TTC8: variants seen among roughly 807,000 people sequenced by gnomAD.
TTC8 encodes the protein tetratricopeptide repeat protein 8.
In TTC8, 47 loss-of-function variants were observed where a neutral mutation model predicts 72.5. The observed-to-expected ratio is 0.65, with a 90% CI of 0.51 to 0.83. The LOEUF is 0.83. Ranked by LOEUF, TTC8 falls within the 40% of genes least tolerant of loss-of-function variation. TTC8 has a pLI of 0.00. For missense variants in TTC8, 611 were observed against 623.2 expected (o/e 0.98, Z 0.21); for synonymous variants, 199 against 221.4 (o/e 0.90, Z 0.90).
chr14:88,872,391 A>G lies in TTC8; in HGVS notation c.1286A>G (p.Asn429Ser), dbSNP rs2141038511. The change falls in exon 13 of 15, where the codon AAC becomes AGC. Residue 429 changes from asparagine (N) to serine (S), a missense_variant. Asn to Ser is a conservative substitution (Grantham distance 46, BLOSUM62 1). Coordinates refer to ENST00000380656, the MANE Select transcript of TTC8 (RefSeq NM_144596.4). ...CFRLALVNNNNHAEAYNNLAV... is the reference protein window; with the variant it reads ...CFRLALVNNNSHAEAYNNLAV... The stretch of plus-strand genomic sequence containing the variant: ...AGGCTGGCTCTGGTCAACAACAACA[A>G]CCACGCCGAGGCCTACAACAACCTG... 6.2e-7 allele frequency: 1 copy of G among 1,613,944 alleles called. No individual in the cohort carries two copies. The highest frequency in any genetic ancestry group is 8.5e-7 in the Non-Finnish European group (1 of 1,179,916).
At chr14:88,850,398 T>C (rs1447593585) in intron 7 of TTC8, among the ~76,000 whole-genome samples, 1 of 152,170 alleles carries the variant, frequency 6.6e-6, no homozygotes, top group Non-Finnish European at 1.5e-5. Flanking sequence ...CTTAAAATTG[T>C]CCCAGATGGG....
At chr14:88,848,832 A>G (rs2094820428) in intron 7 of TTC8, among the ~76,000 whole-genome samples, 1 of 152,170 alleles carries the variant, frequency 6.6e-6, no homozygotes. Flanking sequence ...TATTTGTTGA[A>G]TGCCTATGTT....
chr14:88,869,980 G>T (rs1269769849), intron 10 of TTC8, 79 bp from the exon 11 acceptor site: 1 of 1,424,180 alleles, frequency 7.0e-7, no homozygotes, highest in Non-Finnish European at 9.8e-7. Flanking sequence ...TTGAATGAAT[G>T]GACTTAAATC....
rs192557390 is a variant in TTC8 at position 88,842,236 on chromosome 14, C to T, written c.579+722C>T. On this transcript the variant is annotated intron_variant, in intron 6 of 14. Coordinates refer to ENST00000380656, the MANE Select transcript of TTC8 (RefSeq NM_144596.4). The stretch of plus-strand genomic sequence containing the variant: ...CCTAGCTCAGGTTTTTAGCTGAAAT[C>T]TCTGAGCATAAGTGCTGAGCTCATT... 2.1e-3 allele frequency among the ~76,000 whole-genome samples: 320 copies of T among 152,332 alleles called. 1 individual carries two copies. Among genetic ancestry groups the T allele is most frequent in the African/African-American group, 7.3e-3 (305 of 41,576 alleles).
intron 14 of TTC8, 90 bp downstream of exon 14, chr14:88,875,199 C>A: frequency 9.3e-7 from 1 of 1,069,638 alleles, no homozygotes; most frequent in Non-Finnish European, 1.4e-6. Flanking sequence ...GAAATTCTAA[C>A]CTCATCTTCC....
intron 2 of TTC8, among the ~76,000 whole-genome samples, chr14:88,834,180 C>T (rs1265808489): frequency 1.3e-5 from 2 of 152,062 alleles, no homozygotes; most frequent in Non-Finnish European, 1.5e-5. Context: ...GAGGCTGCCA[C>T]AGTGAGGGAA....
chr14:88,834,022 A>G, intron 2 of TTC8: 1 of 413,082 alleles, frequency 2.4e-6, no homozygotes, highest in Non-Finnish European at 4.5e-6. Context: ...GGTGAGGGGA[A>G]CCAAGGGCTT....
Position 88,841,178 on chromosome 14 carries a change from AT to A in TTC8, c.474del (p.Phe158LeufsTer18). On this transcript the variant is annotated frameshift_variant, in exon 5 of 15. Coordinates refer to ENST00000380656, the MANE Select transcript of TTC8 (RefSeq NM_144596.4). LOFTEE classifies it high-confidence loss of function. ...ARPITSSSGR[F>X]VRLGTASMLT... Reference sequence around the variant, plus strand: ...GCCCTATCACCAGCTCCTCCGGAAGATTTGTCAGGCTGGGAACGGTAAATTC... The same window carrying A: ...GCCCTATCACCAGCTCCTCCGGAAGATTGTCAGGCTGGGAACGGTAAATTC... 2 of 1,613,996 alleles carry A rather than the reference AT, an allele frequency of 1.2e-6. No individual in the cohort carries two copies. Among genetic ancestry groups the A allele is most frequent in the Non-Finnish European group, 1.7e-6 (2 of 1,179,980 alleles).
chr14:88,835,822 A>T (rs2094748060), intron 2 of TTC8, among the ~76,000 whole-genome samples: 1 of 152,118 alleles, frequency 6.6e-6, no homozygotes, highest in Non-Finnish European at 1.5e-5. Context: ...TGTGAAACAT[A>T]CTTGGCTTGT....
intron 3 of TTC8, 89 bp downstream of exon 3, chr14:88,839,661 C>A: frequency 7.1e-7 from 1 of 1,405,314 alleles, no homozygotes; most frequent in Non-Finnish European, 1.0e-6. Flanking sequence ...CTATATATTT[C>A]TACACTTTAT....
At chr14:88,864,445 T>G (rs1392891420) in intron 10 of TTC8, among the ~76,000 whole-genome samples, 2 of 152,202 alleles carry the variant, frequency 1.3e-5, no homozygotes, top group Non-Finnish European at 2.9e-5. Flanking sequence ...CCTTCTCTTC[T>G]TAGACAGGAA....
chr14:88,846,194 C>A (rs920868665), intron 7 of TTC8, among the ~76,000 whole-genome samples: 2 of 151,980 alleles, frequency 1.3e-5, no homozygotes, highest in Non-Finnish European at 2.9e-5. Context: ...GTAGTCCCAG[C>A]TACTCTAGAG....
chr14:88,825,969 T>A (rs1287664), intron 1 of TTC8, among the ~76,000 whole-genome samples: 31,883 of 151,970 alleles, frequency 0.21, 3,508 homozygotes, highest in Admixed American at 0.3. Context: ...AAGGTTTTTT[T>A]AAATTTTTTT....
At chr14:88,833,397 A>G (rs555105255) in intron 1 of TTC8, among the ~76,000 whole-genome samples, 70 of 152,302 alleles carry the variant, frequency 4.6e-4, no homozygotes, top group African/African-American at 1.6e-3. Flanking sequence ...TTATGGGATT[A>G]TTCTCAATTT....
intron 13 of TTC8, among the ~76,000 whole-genome samples, chr14:88,873,274 C>T (rs1008552131): frequency 1.4e-4 from 21 of 152,138 alleles, no homozygotes; most frequent in African/African-American, 5.1e-4. Flanking sequence ...TCCTTTAGGG[C>T]CTTTGGAGTG....
At chr14:88,837,450 CA>C (rs747852297) in intron 2 of TTC8, among the ~76,000 whole-genome samples, 1 of 152,046 alleles carries the variant, frequency 6.6e-6, no homozygotes, top group Non-Finnish European at 1.5e-5. Flanking sequence ...AAATTCTTTC[CA>C]GTTAGAACTA....
At chr14:88,861,043 G>A (rs1008141578) in intron 9 of TTC8, among the ~76,000 whole-genome samples, 179 bp from the exon 10 acceptor site, 5 of 151,784 alleles carry the variant, frequency 3.3e-5, no homozygotes, top group African/African-American at 7.3e-5. Flanking sequence ...GTCTCAAGTG[G>A]TCCACCCACC....
At chr14:88,862,591 TA>T (rs2094892559) in intron 10 of TTC8, among the ~76,000 whole-genome samples, 2 of 82,784 alleles carry the variant, frequency 2.4e-5, no homozygotes, top group Non-Finnish European at 4.6e-5. Flanking sequence ...TATATATATA[TA>T]TATATTTAGA....
intron 7 of TTC8, among the ~76,000 whole-genome samples, chr14:88,844,427 T>G (rs1456417964): frequency 6.6e-6 from 1 of 152,246 alleles, no homozygotes; most frequent in African/African-American, 2.4e-5. Context: ...TGCAGTTCAT[T>G]CTACAGTGTC....
Sources: gnomAD v4.1 joint callset for allele counts (sites outside exome capture counted in the v4.1 genomes callset) on GRCh38, gnomAD v4.1.1 for gene constraint, MANE v1.5 for transcripts, NCBI Gene and HGNC (gene_info 2026-07-23, HGNC 2026-07-21) for gene names.